Variants in DNM3 observed in about 807,000 individuals in gnomAD.
The protein encoded by DNM3 is dynamin 3.
In DNM3, 47 loss-of-function variants were observed where a neutral mutation model predicts 101.6. The observed-to-expected ratio is 0.46, with a 90% CI of 0.37 to 0.59. The LOEUF is 0.59. Among genes scored for constraint, DNM3 ranks in the 20% least tolerant of loss-of-function variants. DNM3 has a pLI of 0.00. For synonymous variants in DNM3, 385 were observed against 387.9 expected, an observed-to-expected ratio of 0.99 and a Z score of 0.09; for missense variants, 849 against 1,085.7, an observed-to-expected ratio of 0.78 and a Z score of 3.06.
intron 20 of DNM3, among the ~76,000 whole-genome samples, chr1:172,406,037 AC>A (rs201575524): frequency 0.012 from 1,770 of 152,112 alleles, 24 homozygotes; most frequent in Non-Finnish European, 0.017. Context: ...TGACTGAATG[AC>A]AAGCAGTGAG....
chr1:171,915,920 C>T (rs1218084298), intron 1 of DNM3, among the ~76,000 whole-genome samples: 1 of 152,198 alleles, frequency 6.6e-6, no homozygotes, highest in Non-Finnish European at 1.5e-5. Context: ...ATATTAATCA[C>T]TTGTTTCCAC....
intron 2 of DNM3, among the ~76,000 whole-genome samples, chr1:171,924,837 T>C (rs760850654): frequency 5.9e-5 from 9 of 152,220 alleles, no homozygotes; most frequent in Non-Finnish European, 1.3e-4. Flanking sequence ...TGTTTTCTTA[T>C]GTTTGTTGGC....
Position 171,996,821 on chromosome 1 carries a change from G to A in DNM3, c.589+7673G>A, listed in dbSNP as rs190497879. 1.6e-3 allele frequency among the ~76,000 whole-genome samples: 251 copies of A among 152,164 alleles called. 2 individuals carry two copies. The highest frequency in any genetic ancestry group is 0.012 in the South Asian group (56 of 4,812). Reference sequence around the variant, plus strand: ...AGGTGGGCAGATTGCTTGAGCCCAGGAGTTCAAGACCAGCCTGGGCAACAT... The same window carrying A: ...AGGTGGGCAGATTGCTTGAGCCCAGAAGTTCAAGACCAGCCTGGGCAACAT... On this transcript the variant is annotated intron_variant, in intron 4 of 20. Transcript: ENST00000627582.
At position 172,410,681 on chromosome 1, in the gene DNM3, C is replaced by T. The variant is rs1297204386; in HGVS notation, c.*2840C>T. The T allele has an allele frequency of 3.0e-5, 30 of 985,154 alleles. No homozygotes were observed. Among genetic ancestry groups the T allele is most frequent in the Middle Eastern group, 1.0e-3 (2 of 1,936 alleles). The allele number at this position is 985,154 out of a possible 1,614,324, so 61.0% of individuals were successfully genotyped here. Reference sequence around the variant, plus strand: ...TTTTAGCCGTGTTTTATAACATAGACGAGCAGTAGGGTCTGTTTATTAGCA... The same window carrying T: ...TTTTAGCCGTGTTTTATAACATAGATGAGCAGTAGGGTCTGTTTATTAGCA... On this transcript the variant is annotated 3_prime_UTR_variant, in exon 21 of 21. Transcript: ENST00000627582.
At chr1:172,324,749 G>T (rs553729757) in intron 17 of DNM3, among the ~76,000 whole-genome samples, 2 of 152,060 alleles carry the variant, frequency 1.3e-5, no homozygotes. Flanking sequence ...TGAATAGTAC[G>T]TATGTCGAAT....
chr1:172,192,080 A>G (rs1214367623), intron 14 of DNM3, among the ~76,000 whole-genome samples: 1 of 152,170 alleles, frequency 6.6e-6, no homozygotes, highest in Non-Finnish European at 1.5e-5. Flanking sequence ...GCCAGTTTTC[A>G]AAAGGAATGC....
At chr1:172,337,116 T>A (rs1021654598) in intron 17 of DNM3, among the ~76,000 whole-genome samples, 2 of 152,206 alleles carry the variant, frequency 1.3e-5, no homozygotes, top group Non-Finnish European at 2.9e-5. Flanking sequence ...GTTATCCTCA[T>A]TCTCCAAATA....
At chr1:172,206,817 A>G (rs2060339286) in intron 14 of DNM3, among the ~76,000 whole-genome samples, 1 of 152,036 alleles carries the variant, frequency 6.6e-6, no homozygotes, top group South Asian at 2.1e-4. Context: ...CTCTAAACCT[A>G]TTTCGTACTT....
intron 14 of DNM3, among the ~76,000 whole-genome samples, chr1:172,248,749 T>G (rs1381589768): frequency 6.6e-6 from 1 of 152,186 alleles, no homozygotes; most frequent in African/African-American, 2.4e-5. Context: ...GCATTTCATA[T>G]AGTTTTCTTC....
At chr1:172,106,956 G>A (rs2147917949) in intron 13 of DNM3, among the ~76,000 whole-genome samples, 1 of 138,510 alleles carries the variant, frequency 7.2e-6, no homozygotes, top group South Asian at 2.3e-4. Flanking sequence ...CGCTTCCCGG[G>A]TTCACGCCAT....
chr1:172,113,139 C>A (rs1031599074), intron 13 of DNM3, among the ~76,000 whole-genome samples: 2 of 152,046 alleles, frequency 1.3e-5, no homozygotes, highest in Non-Finnish European at 2.9e-5. Flanking sequence ...AAAGATTTGT[C>A]TTGATGAGAT....
At chr1:171,978,677 G>T (rs551569889) in intron 2 of DNM3, among the ~76,000 whole-genome samples, 2 of 152,302 alleles carry the variant, frequency 1.3e-5, no homozygotes, top group African/African-American at 2.4e-5. Context: ...TCCAGCTACT[G>T]GGTGGAGAAT....
chr1:171,910,775 T>C (rs1029554274), intron 1 of DNM3, among the ~76,000 whole-genome samples: 3 of 152,188 alleles, frequency 2.0e-5, no homozygotes, highest in Non-Finnish European at 4.4e-5. Flanking sequence ...GTCTGTGCCT[T>C]ATAGAAATGA....
intron 2 of DNM3, among the ~76,000 whole-genome samples, chr1:171,978,138 T>C (rs1310149691): frequency 6.6e-6 from 1 of 152,004 alleles, no homozygotes; most frequent in Non-Finnish European, 1.5e-5. Flanking sequence ...ACAGCAGGGG[T>C]AAGACAGATA....
chr1:172,359,994 G>C (rs547110461), intron 17 of DNM3, among the ~76,000 whole-genome samples: 5 of 151,858 alleles, frequency 3.3e-5, no homozygotes, highest in African/African-American at 1.2e-4. Context: ...TGACCTTGGA[G>C]GAAAAAAATG....
intron 2 of DNM3, among the ~76,000 whole-genome samples, chr1:171,958,338 A>G (rs547390721): frequency 6.6e-6 from 1 of 152,310 alleles, no homozygotes; most frequent in African/African-American, 2.4e-5. Flanking sequence ...AAACCATATC[A>G]CAGGTTATGA....
rs375984804 is a variant in DNM3 at position 172,205,336 on chromosome 1, G to A, written c.1660-48237G>A. 3.5e-4 allele frequency among the ~76,000 whole-genome samples: 53 copies of A among 152,064 alleles called. No individual in the cohort carries two copies. In the East Asian group the frequency reaches 4.8e-3, roughly 14 times the overall value. On this transcript the variant is annotated intron_variant, in intron 14 of 20. Transcript: ENST00000627582. ...ACTTTGCCTTTATTCAAGCTAGCTC[G>A]TCTAAATGGACTACCAGTTCTTACA...
rs867021928 is a variant in DNM3 at position 172,027,623 on chromosome 1, G to C, written c.590-4779G>C. ...ACACACACACACACACACACAGAGA[G>C]AGAGAAATTGGATACAGAGTCAGGA... On this transcript the variant is annotated intron_variant, in intron 4 of 20. Coordinates refer to ENST00000627582, the MANE Select transcript of DNM3 (RefSeq NM_015569.5). Among the ~76,000 whole-genome samples, 1,010 of 140,702 alleles carry C rather than the reference G, an allele frequency of 7.2e-3. 16 individuals are homozygous for C. The highest frequency in any genetic ancestry group is 0.027 in the African/African-American group (936 of 34,090). 92.3% of individuals were successfully genotyped at this position (140,702 alleles called of 152,430 possible).
intron 15 of DNM3, among the ~76,000 whole-genome samples, chr1:172,266,354 A>G (rs2062858861): frequency 6.6e-6 from 1 of 152,152 alleles, no homozygotes; most frequent in African/African-American, 2.4e-5. Flanking sequence ...GATCTACATT[A>G]AAAAAGGAAC....
Sources: allele counts gnomAD v4.1 joint callset (sites outside exome capture counted in the v4.1 genomes callset), GRCh38; gene constraint gnomAD v4.1.1; transcripts MANE v1.5; gene names NCBI Gene and HGNC (gene_info 2026-07-23, HGNC 2026-07-21).